INTS6L: variants seen among roughly 807,000 people sequenced by gnomAD.
INTS6L encodes integrator complex subunit 6 like, also known as integrator complex subunit 6-like.
In INTS6L, 18 loss-of-function variants were observed where a neutral mutation model predicts 64.7. That is an observed-to-expected ratio of 0.28 (90% confidence interval 0.19 to 0.41). The LOEUF (loss-of-function observed/expected upper bound fraction) is 0.41. INTS6L is among the 10% of genes least tolerant of loss of function. The probability of loss-of-function intolerance (pLI) is 1.00; values close to 1 mark genes in which losing one functional copy is unlikely to be tolerated. For synonymous variants in INTS6L, 227 were observed against 235.9 expected (o/e 0.96, Z 0.34); for missense variants, 533 against 661.0 (o/e 0.81, Z 2.12).
intron 14 of INTS6L, 114 bp from the exon 15 acceptor site, chrX:135,577,079 C>T (rs1181384301): frequency 4.4e-6 from 3 of 688,176 alleles, no homozygotes; most frequent in African/African-American, 2.2e-5. Context: ...GAAAAAAAGA[C>T]ATATTCGTGA....
intron 2 of INTS6L, among the ~76,000 whole-genome samples, chrX:135,524,716 A>C (rs1003341189): frequency 8.9e-6 from 1 of 111,857 alleles, no homozygotes; most frequent in African/African-American, 3.3e-5. Context: ...AGTTACTGTG[A>C]CTGAAAATTT....
intron 2 of INTS6L, among the ~76,000 whole-genome samples, chrX:135,528,231 C>T (rs2085792919): frequency 8.9e-6 from 1 of 111,792 alleles, no homozygotes; most frequent in African/African-American, 3.3e-5. Flanking sequence ...CTCCTGGATA[C>T]AATGTTGGAA....
chrX:135,574,991 C>A, intron 13 of INTS6L, 93 bp from the exon 14 acceptor site: 1 of 942,382 alleles, frequency 1.1e-6, no homozygotes, highest in Non-Finnish European at 1.5e-6. Context: ...GATGCCAAGA[C>A]ACACACTGCT....
intron 2 of INTS6L, among the ~76,000 whole-genome samples, chrX:135,534,216 A>T (rs1556507138): frequency 9.2e-6 from 1 of 108,753 alleles, no homozygotes; most frequent in Non-Finnish European, 1.9e-5. Flanking sequence ...ATGCTTAAAA[A>T]ACTTCATACT....
In INTS6L at chrX:135,580,011, C is replaced by G. The variant is rs1556533526; in HGVS notation, c.2343C>G (p.Asn781Lys). 5.8e-6 allele frequency: 7 copies of G among 1,212,138 alleles called. No individual in the cohort carries two copies. The highest frequency in any genetic ancestry group is 7.8e-6 in the Non-Finnish European group (7 of 895,572). ...ACGCATTTGTAGGAGGAGCCAAAAA[C>G]TGCAGTCTCTCCGTAGATGACCAAA... The part of the protein sequence containing the change: ...GSNAFVGGAK[N>K]CSLSVDDQKD... Residue 781 changes from asparagine (N) to lysine (K), a missense_variant, in exon 16 of 18, where the codon AAC (asparagine) becomes AAG (lysine). Coordinates refer to ENST00000639893, the MANE Select transcript of INTS6L (RefSeq NM_001351601.3).
In INTS6L at chrX:135,575,238, A is replaced by T. The variant is rs782229809; in HGVS notation, c.1884+12A>T. On this transcript the variant is annotated intron_variant, in intron 14 of 17. Coordinates refer to ENST00000639893, the MANE Select transcript of INTS6L (RefSeq NM_001351601.3). ...AACAAGATAAGAAGGTAGGATACCTATGCCTATGTCTGCCTAAATTGGGAT... is the reference window on the plus strand; with the variant it reads ...AACAAGATAAGAAGGTAGGATACCTTTGCCTATGTCTGCCTAAATTGGGAT... The T allele has an allele frequency of 1.7e-6, 2 of 1,200,164 alleles. No individual in the cohort carries two copies. Among genetic ancestry groups the T allele is most frequent in the Non-Finnish European group, 2.2e-6 (2 of 890,675 alleles).
chrX:135,521,661 G>A (rs1206736854), intron 2 of INTS6L, among the ~76,000 whole-genome samples: 1 of 109,998 alleles, frequency 9.1e-6, no homozygotes, highest in East Asian at 2.9e-4. Flanking sequence ...TGGAAAGGAG[G>A]GAGGGGAGGG....
At chrX:135,567,036 C>G (rs782296203) in intron 9 of INTS6L, among the ~76,000 whole-genome samples, 34 of 111,587 alleles carry the variant, frequency 3.0e-4, no homozygotes, top group African/African-American at 1.1e-3. Flanking sequence ...TTGTACGGGG[C>G]TTTTACACAT....
At chrX:135,521,758 G>GGCCGGGGGGC (rs201041697) in intron 2 of INTS6L, among the ~76,000 whole-genome samples, 2 of 105,722 alleles carry the variant, frequency 1.9e-5, no homozygotes, top group Admixed American at 2.0e-4. Flanking sequence ...GGGTCGCCGC[G>GGCCGGGGGGC]CGGGGGGCCG....
intron 7 of INTS6L, 128 bp downstream of exon 7, chrX:135,549,933 C>A: frequency 1.4e-6 from 1 of 713,838 alleles, no homozygotes; most frequent in Non-Finnish European, 2.1e-6. Flanking sequence ...CCCTCCTTTG[C>A]CTTCTATCTC....
chrX:135,552,184 A>G, intron 8 of INTS6L, 38 bp downstream of exon 8: 1 of 1,094,107 alleles, frequency 9.1e-7, no homozygotes, highest in Non-Finnish European at 1.2e-6. Context: ...GTCTGTAACC[A>G]CTCTAGGATC....
chrX:135,547,279 C>T lies in INTS6L; in HGVS notation c.742+14C>T. 1 of 1,193,437 alleles carries T rather than the reference C, an allele frequency of 8.4e-7. No individual in the cohort carries two copies. The highest frequency in any genetic ancestry group is 1.1e-6 in the Non-Finnish European group (1 of 888,527). On this transcript the variant is annotated intron_variant, in intron 6 of 17. Coordinates refer to ENST00000639893, the MANE Select transcript of INTS6L (RefSeq NM_001351601.3). ...CTATTGGAGAAGGTATAGTAGATAA[C>T]TTTTTTAACCCTAAAGTGTTATATA...
Position 135,547,215 on chromosome X carries a change from T to C in INTS6L, c.692T>C (p.Val231Ala), listed in dbSNP as rs1556515365. Residue 231 changes from valine (V) to alanine (A), a missense_variant, in exon 6 of 18, where the codon GTA (valine) becomes GCA (alanine). By Grantham distance (64) the Val-to-Ala change is moderately conservative. Transcript: ENST00000639893. ...CTAGTTCAAAAAGTTCAGAGTGGTG[T>C]AGTTATTAATTTTGAAAAAACAGGA... ...ESLVQKVQSG[V>A]VINFEKTGPD... 1 of 1,209,906 alleles carries C rather than the reference T, an allele frequency of 8.3e-7. No individual in the cohort carries two copies. The highest frequency in any genetic ancestry group is 1.1e-6 in the Non-Finnish European group (1 of 894,677).
In INTS6L at chrX:135,577,283, A is replaced by G; in HGVS notation, c.1975A>G (p.Lys659Glu). The change falls in exon 15 of 18, where the codon AAG (lysine) becomes GAG (glutamate). Residue 659 changes from lysine to glutamate, a missense_variant. Physicochemically the swap from Lys to Glu is moderately conservative, Grantham distance 56. Coordinates refer to ENST00000639893, the MANE Select transcript of INTS6L (RefSeq NM_001351601.3). ...GGAACCCAACAGTCCTATGTCATCT[A>G]AGAGAAGGCGGAGTATGTCCCTGCT... ...PGEPNSPMSS[K>E]RRRSMSLLLR... 1.7e-6 allele frequency: 2 copies of G among 1,211,842 alleles called. No homozygotes were observed. Among genetic ancestry groups the G allele is most frequent in the Non-Finnish European group, 2.2e-6 (2 of 895,563 alleles).
At chrX:135,525,683 T>G (rs2085714395) in intron 2 of INTS6L, among the ~76,000 whole-genome samples, 1 of 112,431 alleles carries the variant, frequency 8.9e-6, no homozygotes, top group Non-Finnish European at 1.9e-5. Context: ...AGACATAACT[T>G]TTTCATATGC....
Position 135,549,771 on chromosome X carries a change from A to C in INTS6L, c.872A>C (p.Glu291Ala). 1 of 1,211,994 alleles carries C rather than the reference A, an allele frequency of 8.3e-7. No homozygotes were observed. The highest frequency in any genetic ancestry group is 1.8e-5 in the South Asian group (1 of 56,981). The change falls in exon 7 of 18, where the codon GAA (glutamate) becomes GCA (alanine). Residue 291 changes from glutamate to alanine, a missense_variant. By Grantham distance (107) the Glu-to-Ala change is moderately radical. Transcript: ENST00000639893. ...CCTGTTGGACATTGGCCAATTCCAG[A>C]ATCTTTTTGGCCAGATCAGAATTTA... ...GVPVGHWPIP[E>A]SFWPDQNLPS... is the part of the protein sequence containing the mutation.
At chrX:135,550,561 C>T (rs929987830) in intron 7 of INTS6L, among the ~76,000 whole-genome samples, 2 of 110,435 alleles carry the variant, frequency 1.8e-5, no homozygotes, top group East Asian at 5.7e-4. Context: ...TGTGTGGGCT[C>T]AGGAGGGGAC....
chrX:135,545,616 T>A, intron 3 of INTS6L, 44 bp downstream of exon 3: 1 of 1,145,101 alleles, frequency 8.7e-7, no homozygotes, highest in Non-Finnish European at 1.2e-6. Flanking sequence ...TTTTGGTGGC[T>A]TGGGGTAAGA....
chrX:135,540,314 C>T (rs2086171166), intron 2 of INTS6L, among the ~76,000 whole-genome samples: 1 of 111,802 alleles, frequency 8.9e-6, no homozygotes, highest in African/African-American at 3.3e-5. Flanking sequence ...ATAGTAACAG[C>T]ACCTACCCAG....
Sources: gnomAD v4.1 joint callset for allele counts (sites outside exome capture counted in the v4.1 genomes callset) on GRCh38, gnomAD v4.1.1 for gene constraint, MANE v1.5 for transcripts, NCBI Gene and HGNC (gene_info 2026-07-23, HGNC 2026-07-21) for gene names.